Variants in PTPRG observed in about 807,000 individuals in gnomAD.
The protein encoded by PTPRG is receptor-type tyrosine-protein phosphatase gamma.
A neutral mutation model predicts 165.3 loss-of-function variants in PTPRG; 102 were observed. The ratio of observed to expected loss-of-function variants is 0.62; its 90% CI spans 0.53 to 0.73. PTPRG has a LOEUF of 0.73. PTPRG is among the 30% of genes least tolerant of loss of function. The probability of loss-of-function intolerance (pLI) is 0.00; values close to 1 mark genes in which losing one functional copy is unlikely to be tolerated. For missense variants in PTPRG, 1,866 were observed against 1,861.4 expected, an observed-to-expected ratio of 1.00 and a Z score of -0.05; for synonymous variants, 675 against 669.5, an observed-to-expected ratio of 1.01 and a Z score of -0.13.
In PTPRG at chr3:61,749,001, A is replaced by G; in HGVS notation, c.190+19A>G. ...TACTCTGGTAAGTCCAGTTGTTCTA[A>G]TGGAGATCACACAGGCCAGTTAACA... On this transcript the variant is annotated intron_variant, in intron 2 of 29. Coordinates refer to ENST00000474889, the MANE Select transcript of PTPRG (RefSeq NM_002841.4). The G allele has an allele frequency of 6.3e-7, 1 of 1,593,198 alleles. No individual in the cohort carries two copies. The highest frequency in any genetic ancestry group is 1.1e-5 in the South Asian group (1 of 90,270).
rs118116663 is a variant in PTPRG at position 62,237,949 on chromosome 3, C to T, written c.2376-5858C>T. Among the ~76,000 whole-genome samples, 29 of 152,246 alleles carry T rather than the reference C, an allele frequency of 1.9e-4. No homozygotes were observed. Among genetic ancestry groups the T allele is most frequent in the East Asian group, 7.7e-4 (4 of 5,172 alleles). On this transcript the variant is annotated intron_variant, in intron 14 of 29. Transcript: ENST00000474889. This position sits in a 1 kb window ranked among gnomAD's most constrained non-coding sequence, Gnocchi z 4.5. ...GTTTGGTTTTCTAAAAAGGGATGAA[C>T]GAATGGAGAGTAACATAGGAAGCTT... is the stretch of plus-strand genomic sequence containing the variant.
intron 23 of PTPRG, among the ~76,000 whole-genome samples, chr3:62,274,937 T>C (rs1417870072): frequency 1.3e-5 from 2 of 152,172 alleles, no homozygotes; most frequent in African/African-American, 2.4e-5. Context: ...TAAAACTTCA[T>C]TTAAGAAATG....
chr3:61,955,437 T>C (rs1217766489), intron 2 of PTPRG, among the ~76,000 whole-genome samples: 7 of 152,274 alleles, frequency 4.6e-5, no homozygotes, highest in Admixed American at 4.6e-4. Flanking sequence ...CCTGCAATGC[T>C]ATGCTATCTC....
At chr3:62,100,191 A>G (rs1276689367) in intron 5 of PTPRG, among the ~76,000 whole-genome samples, 1 of 152,122 alleles carries the variant, frequency 6.6e-6, no homozygotes, top group African/African-American at 2.4e-5. Flanking sequence ...TTTACCCCAA[A>G]TAAGGTCCAC....
At chr3:61,676,471 A>AAAAAAAAAGAAAG (rs369505317) in intron 1 of PTPRG, among the ~76,000 whole-genome samples, 2 of 99,102 alleles carry the variant, frequency 2.0e-5, no homozygotes, top group East Asian at 7.4e-4. Flanking sequence ...AAAAAAAAAA[A>AAAAAAAAAGAAAG]AAAGAAAATT....
At chr3:62,140,177 C>A (rs555507417) in intron 6 of PTPRG, among the ~76,000 whole-genome samples, 1 of 152,192 alleles carries the variant, frequency 6.6e-6, no homozygotes, top group Non-Finnish European at 1.5e-5. Context: ...GTTCCCCTGC[C>A]GGGGATGCAC....
At chr3:61,665,627 C>G (rs1003749729) in intron 1 of PTPRG, among the ~76,000 whole-genome samples, 2 of 152,010 alleles carry the variant, frequency 1.3e-5, no homozygotes, top group Non-Finnish European at 2.9e-5. Flanking sequence ...GAGTTTAGGC[C>G]AGGCTAGGCA....
At chr3:61,592,673 G>T (rs1276682212) in intron 1 of PTPRG, among the ~76,000 whole-genome samples, 1 of 141,494 alleles carries the variant, frequency 7.1e-6, no homozygotes, top group African/African-American at 2.7e-5. Flanking sequence ...TTAAGAAAGG[G>T]GGTGATCTGT....
intron 8 of PTPRG, among the ~76,000 whole-genome samples, chr3:62,172,794 G>T (rs1172187583): frequency 1.3e-5 from 2 of 152,198 alleles, no homozygotes; most frequent in African/African-American, 4.8e-5. Context: ...TTCAAAACGA[G>T]CAAAGCCTGC....
chr3:61,589,347 T>C (rs1317835128), intron 1 of PTPRG, among the ~76,000 whole-genome samples: 2 of 152,172 alleles, frequency 1.3e-5, no homozygotes, highest in East Asian at 3.9e-4. Flanking sequence ...AACTATCACT[T>C]GTTGAATGAT....
At chr3:61,834,463 A>T (rs1214497148) in intron 2 of PTPRG, among the ~76,000 whole-genome samples, 13 of 152,152 alleles carry the variant, frequency 8.5e-5, no homozygotes, top group Admixed American at 8.5e-4. Flanking sequence ...CAGGAGGCTG[A>T]GGTGGGAGGA....
At chr3:62,088,658 T>A (rs1376094301) in intron 5 of PTPRG, among the ~76,000 whole-genome samples, 1 of 152,200 alleles carries the variant, frequency 6.6e-6, no homozygotes, top group East Asian at 1.9e-4. Flanking sequence ...TTGACTTAGA[T>A]GTAGAAAAGT....
At chr3:62,257,152 G>C (rs1394167610) in intron 16 of PTPRG, among the ~76,000 whole-genome samples, 1 of 152,038 alleles carries the variant, frequency 6.6e-6, no homozygotes, top group East Asian at 1.9e-4. Flanking sequence ...CAACGTAAAG[G>C]GGAGAATAAG....
At chr3:61,677,820 A>T (rs1243750120) in intron 1 of PTPRG, among the ~76,000 whole-genome samples, 2 of 152,180 alleles carry the variant, frequency 1.3e-5, no homozygotes, top group East Asian at 3.8e-4. Flanking sequence ...GATGTGGCAC[A>T]CCTAGACCAT....
intron 2 of PTPRG, among the ~76,000 whole-genome samples, chr3:61,969,280 G>T (rs2040335873): frequency 6.6e-6 from 1 of 152,154 alleles, no homozygotes; most frequent in African/African-American, 2.4e-5. Flanking sequence ...ATGTTCCAAG[G>T]TACCTTGGAT....
At chr3:61,659,474 G>A (rs772038435) in intron 1 of PTPRG, 10 of 981,708 alleles carry the variant, frequency 1.0e-5, no homozygotes, top group Non-Finnish European at 1.2e-5. Context: ...GGGTGACCAG[G>A]AAGGAGAGTC....
intron 6 of PTPRG, among the ~76,000 whole-genome samples, chr3:62,136,983 A>G (rs571205126): frequency 2.7e-4 from 41 of 152,298 alleles, no homozygotes; most frequent in African/African-American, 8.2e-4. Flanking sequence ...TGTGTCTTAC[A>G]TGTTCATTTG....
At chr3:61,770,448 C>A (rs568838910) in intron 2 of PTPRG, 28 of 152,082 alleles carry the variant, frequency 1.8e-4, no homozygotes, top group Non-Finnish European at 3.1e-4. Context: ...TGTTAAACTG[C>A]TGAATATACA....
At chr3:62,277,724 A>G in intron 26 of PTPRG, 45 bp downstream of exon 26, 1 of 1,603,834 alleles carries the variant, frequency 6.2e-7, no homozygotes, top group Non-Finnish European at 8.5e-7. Context: ...CCATGAGGCT[A>G]CAAGCATAAA....
Sources: allele counts gnomAD v4.1 joint callset (sites outside exome capture counted in the v4.1 genomes callset), GRCh38; gene constraint gnomAD v4.1.1; non-coding constraint Gnocchi (gnomAD v3.1); transcripts MANE v1.5; gene names NCBI Gene and HGNC (gene_info 2026-07-23, HGNC 2026-07-21).